Variants in GAN observed in about 807,000 individuals in gnomAD.
The protein encoded by GAN is gigaxonin.
Under a neutral mutation model 71.3 loss-of-function variants are expected in GAN, and 48 were observed. That is an observed-to-expected ratio of 0.67 (90% confidence interval 0.53 to 0.86). GAN has a LOEUF of 0.86. GAN is among the 40% of genes least tolerant of loss of function. GAN has a pLI of 0.00. For synonymous variants in GAN, 386 were observed against 276.8 expected, an observed-to-expected ratio of 1.39 and a Z score of -3.92; for missense variants, 928 against 770.1, an observed-to-expected ratio of 1.21 and a Z score of -2.43.
Position 81,363,654 on chromosome 16 carries a change from C to T in GAN, c.1087-140C>T, listed in dbSNP as rs549373971. 20 of 807,136 alleles carry T rather than the reference C, an allele frequency of 2.5e-5. No individual in the cohort carries two copies. The Middle Eastern group carries it at 1.2e-3, about 47-fold the overall frequency. 50.0% of individuals were successfully genotyped at this position (807,136 alleles called of 1,614,324 possible). A position where few individuals can be genotyped will look rare whatever the true frequency, so the allele number is the denominator to read the frequency against. On this transcript the variant is annotated intron_variant, in intron 6 of 10. Transcript: ENST00000648994. ...TTAGTGTTTCAGCCCTTGCTCCTCT[C>T]CCTGTCTCCTTGCTCTAGGAGTCCC...
chr16:81,344,333 A>T (rs1433366533), intron 1 of GAN, among the ~76,000 whole-genome samples: 1 of 152,166 alleles, frequency 6.6e-6, no homozygotes, highest in Non-Finnish European at 1.5e-5. Context: ...ACAAAGAACA[A>T]AGTCAGGAGG....
At chr16:81,368,327 A>C (rs748395879) in intron 9 of GAN, among the ~76,000 whole-genome samples, 1 of 152,224 alleles carries the variant, frequency 6.6e-6, no homozygotes, top group Non-Finnish European at 1.5e-5. Context: ...TGGCTGGCAC[A>C]GTGGCTGACA....
chr16:81,349,251 C>T (rs12933277), intron 1 of GAN, among the ~76,000 whole-genome samples: 61,776 of 151,792 alleles, frequency 0.41, 13,219 homozygotes, highest in Middle Eastern at 0.53. Flanking sequence ...TTTGGGAAGT[C>T]TTCAGTCCAA....
At chr16:81,337,747 A>G (rs1037151194) in intron 1 of GAN, among the ~76,000 whole-genome samples, 3 of 152,234 alleles carry the variant, frequency 2.0e-5, no homozygotes, top group African/African-American at 7.2e-5. Context: ...ATTGTCAAGA[A>G]AAAGTAACGT....
intron 1 of GAN, among the ~76,000 whole-genome samples, chr16:81,323,458 A>G (rs1909283158): frequency 6.6e-6 from 1 of 152,210 alleles, no homozygotes; most frequent in Non-Finnish European, 1.5e-5. Flanking sequence ...TCACTGTCAT[A>G]ATAAGTCTTG....
At chr16:81,355,532 T>G (rs1910458269) in intron 3 of GAN, among the ~76,000 whole-genome samples, 1 of 152,124 alleles carries the variant, frequency 6.6e-6, no homozygotes, top group Non-Finnish European at 1.5e-5. Context: ...CCTAGCTAAT[T>G]GTTTGATTTT....
At chr16:81,323,255 GCTACTGTCTTGTGCGA>G (rs1399860674) in intron 1 of GAN, among the ~76,000 whole-genome samples, 2 of 152,096 alleles carry the variant, frequency 1.3e-5, no homozygotes, top group African/African-American at 4.8e-5. Context: ...CTCCTTAACA[GCTACTGTCTTGTGCGA>G]CCAAAGCTAT....
At chr16:81,357,109 GA>G in intron 4 of GAN, 107 bp downstream of exon 4, 4 of 816,640 alleles carry the variant, frequency 4.9e-6, no homozygotes, top group East Asian at 2.5e-5. Context: ...AATTACATTT[GA>G]TTTTTTTTTT....
chr16:81,326,297 C>G (rs146935863), intron 1 of GAN, among the ~76,000 whole-genome samples: 2 of 151,130 alleles, frequency 1.3e-5, no homozygotes, highest in African/African-American at 4.9e-5. Context: ...GCGGGCAGAT[C>G]ACCTGAGGTT....
intron 5 of GAN, among the ~76,000 whole-genome samples, chr16:81,358,873 G>C (rs1051016207): frequency 6.6e-5 from 10 of 152,140 alleles, no homozygotes; most frequent in African/African-American, 2.4e-4. Flanking sequence ...CATCCTAATT[G>C]TGGTCAGCAG....
intron 9 of GAN, among the ~76,000 whole-genome samples, chr16:81,371,691 A>G (rs1377589632): frequency 6.6e-6 from 1 of 151,748 alleles, no homozygotes; most frequent in Admixed American, 6.6e-5. Context: ...TTGCCCCAAG[A>G]CCCCTTTTCC....
intron 5 of GAN, among the ~76,000 whole-genome samples, chr16:81,360,391 T>C (rs947767843): frequency 3.2e-4 from 49 of 152,242 alleles, no homozygotes; most frequent in African/African-American, 1.2e-3. Context: ...TTCCACTGAC[T>C]TCTGCCTTCC....
At chr16:81,369,948 C>A (rs1910984164) in intron 9 of GAN, among the ~76,000 whole-genome samples, 1 of 152,170 alleles carries the variant, frequency 6.6e-6, no homozygotes, top group South Asian at 2.1e-4. Context: ...CAAATTCTTT[C>A]CCAGACGTAA....
chr16:81,373,117 G>GGA (rs1235853452), intron 9 of GAN, among the ~76,000 whole-genome samples: 1 of 152,194 alleles, frequency 6.6e-6, no homozygotes, highest in African/African-American at 2.4e-5. Flanking sequence ...GAAGAGTCTA[G>GGA]GAAGAGTATT....
intron 1 of GAN, among the ~76,000 whole-genome samples, chr16:81,341,264 C>G (rs528322166): frequency 2.0e-5 from 3 of 152,144 alleles, no homozygotes; most frequent in African/African-American, 7.2e-5. Flanking sequence ...GGGAGGCAGG[C>G]CAACATTCAA....
intron 1 of GAN, among the ~76,000 whole-genome samples, chr16:81,321,882 C>A (rs1449888285): frequency 6.6e-6 from 1 of 152,190 alleles, no homozygotes; most frequent in Admixed American, 6.5e-5. Flanking sequence ...CCCATGGGTT[C>A]TCTTCCTCCT....
intron 2 of GAN, 57 bp downstream of exon 2, chr16:81,351,754 G>T (rs1454015778): frequency 4.9e-6 from 4 of 823,080 alleles, no homozygotes; most frequent in Non-Finnish European, 8.7e-6. Flanking sequence ...AGCTCAGGGT[G>T]AGGGTCTCCT....
intron 1 of GAN, among the ~76,000 whole-genome samples, chr16:81,322,489 T>C (rs1240079655): frequency 6.6e-6 from 1 of 152,260 alleles, no homozygotes; most frequent in Non-Finnish European, 1.5e-5. Context: ...TTTTAAAAGT[T>C]GACTGTTGAA....
rs1203617243 is a variant in GAN at position 81,389,475 on chromosome 16, A to T, written c.*11879A>T. 1 of 152,008 alleles carries T rather than the reference A, an allele frequency of 6.6e-6. No individual in the cohort carries two copies. Among genetic ancestry groups the T allele is most frequent in the African/African-American group, 2.4e-5 (1 of 41,390 alleles). 9.4% of individuals were successfully genotyped at this position (152,008 alleles called of 1,614,324 possible). On this transcript the variant is annotated 3_prime_UTR_variant, in exon 11 of 11. Coordinates refer to ENST00000648994, the MANE Select transcript of GAN (RefSeq NM_022041.4). ...AGTGACCAGCAGAGCTGACAAAAGC[A>T]CCCCCTGCTCTGCCCACCTCCGCAG...
Sources: gnomAD v4.1 joint callset for allele counts (sites outside exome capture counted in the v4.1 genomes callset) on GRCh38, gnomAD v4.1.1 for gene constraint, MANE v1.5 for transcripts, NCBI Gene and HGNC (gene_info 2026-07-23, HGNC 2026-07-21) for gene names.